The following PLD1 variants were observed in gnomAD, a reference collection of about 807,000 sequenced individuals.
PLD1 encodes the protein choline phosphatase 1.
PLD1 carries 112 observed loss-of-function variants against 137.1 expected under a neutral mutation model. That is an observed-to-expected ratio of 0.82 (90% CI 0.70 to 0.96). The LOEUF (loss-of-function observed/expected upper bound fraction) is 0.96. Ranked by LOEUF, PLD1 falls within the 40% of genes least tolerant of loss-of-function variation. The pLI is 0.00. For synonymous variants in PLD1, 431 were observed against 454.7 expected (o/e 0.95, Z 0.66); for missense variants, 1,321 against 1,342.0 (o/e 0.98, Z 0.24).
intron 19 of PLD1, among the ~76,000 whole-genome samples, chr3:171,673,564 C>T (rs1578240029): frequency 1.3e-5 from 2 of 152,286 alleles, no homozygotes; most frequent in Middle Eastern, 3.4e-3. Context: ...AGCCACCACA[C>T]CTGGCCTTTT....
At chr3:171,739,273 G>A (rs1719601702) in intron 1 of PLD1, among the ~76,000 whole-genome samples, 1 of 152,138 alleles carries the variant, frequency 6.6e-6, no homozygotes, top group Non-Finnish European at 1.5e-5. Context: ...GAAAGTCTCA[G>A]GCAAACTTAC....
intron 19 of PLD1, among the ~76,000 whole-genome samples, chr3:171,670,269 A>G (rs1315032447): frequency 2.0e-5 from 3 of 152,246 alleles, no homozygotes; most frequent in Admixed American, 2.0e-4. Context: ...AAAGAGCTGG[A>G]CGAGAGGACA....
intron 1 of PLD1, among the ~76,000 whole-genome samples, chr3:171,749,358 C>G (rs1332778235): frequency 6.6e-6 from 1 of 152,020 alleles, no homozygotes; most frequent in Non-Finnish European, 1.5e-5. Flanking sequence ...GACACTCTTA[C>G]AAAAAAACCC....
chr3:171,751,914 A>AATGGT (rs1270407550), intron 1 of PLD1, among the ~76,000 whole-genome samples: 2 of 152,010 alleles, frequency 1.3e-5, no homozygotes, highest in African/African-American at 2.4e-5. Context: ...GGGGCAGGAG[A>AATGGT]ATGGTATGAA....
At chr3:171,728,298 ACAG>A (rs1451070615) in intron 6 of PLD1, among the ~76,000 whole-genome samples, 1 of 152,250 alleles carries the variant, frequency 6.6e-6, no homozygotes, top group Non-Finnish European at 1.5e-5. Flanking sequence ...CCTGGGCAAC[ACAG>A]CAGGACTGTC....
rs534992034 is a variant in PLD1 at position 171,670,175 on chromosome 3, G to A, written c.2229+4325C>T. On this transcript the variant is annotated intron_variant, in intron 19 of 26. Coordinates refer to ENST00000351298, the MANE Select transcript of PLD1 (RefSeq NM_002662.5). The stretch of plus-strand genomic sequence containing the variant: ...TGGAGATAAAGAGAGGATGGTTAAT[G>A]GGTACAAACATAGAAGGAATAAGTT... 2.7e-4 allele frequency among the ~76,000 whole-genome samples: 5 copies of A among 18,532 alleles called. No homozygotes were observed. The South Asian group carries it at 0.015, about 57-fold the overall frequency. The allele number at this position is 18,532 out of a possible 152,430, so 12.2% of individuals were successfully genotyped here.
intron 21 of PLD1, among the ~76,000 whole-genome samples, chr3:171,658,976 G>A (rs570673994): frequency 6.6e-6 from 1 of 152,280 alleles, no homozygotes. Flanking sequence ...TCATGTGTGG[G>A]AAACAGACTG....
chr3:171,776,418 T>C (rs749839801), intron 1 of PLD1, among the ~76,000 whole-genome samples: 2 of 152,246 alleles, frequency 1.3e-5, no homozygotes, highest in African/African-American at 4.8e-5. Context: ...TGCTCAAAGC[T>C]CTTTTATTTA....
At chr3:171,639,734 CAT>C (rs1424535609) in intron 23 of PLD1, among the ~76,000 whole-genome samples, 5 of 130,836 alleles carry the variant, frequency 3.8e-5, no homozygotes, top group Non-Finnish European at 6.2e-5. Flanking sequence ...TATATTCATA[CAT>C]ATATCTTTCA....
At chr3:171,760,662 C>T (rs1721331160) in intron 1 of PLD1, among the ~76,000 whole-genome samples, 1 of 152,194 alleles carries the variant, frequency 6.6e-6, no homozygotes, top group South Asian at 2.1e-4. Context: ...CCAGAGGCCA[C>T]TGCAACCTGG....
chr3:171,762,818 G>T, intron 1 of PLD1, among the ~76,000 whole-genome samples: 1 of 152,254 alleles, frequency 6.6e-6, no homozygotes, highest in African/African-American at 2.4e-5. Flanking sequence ...CCATGTAGAA[G>T]ATATTACTAG....
intron 21 of PLD1, among the ~76,000 whole-genome samples, chr3:171,651,672 A>G (rs1736776772): frequency 6.6e-6 from 1 of 152,194 alleles, no homozygotes; most frequent in African/African-American, 2.4e-5. Flanking sequence ...GCTTTCAAAC[A>G]TAAGAATGCT....
chr3:171,754,938 A>G (rs898792253), intron 1 of PLD1, among the ~76,000 whole-genome samples: 1 of 152,092 alleles, frequency 6.6e-6, no homozygotes, highest in African/African-American at 2.4e-5. Context: ...CTACTACTAT[A>G]TCTCCAACAA....
chr3:171,636,855 C>T (rs1386641858), intron 23 of PLD1, among the ~76,000 whole-genome samples: 1 of 152,194 alleles, frequency 6.6e-6, no homozygotes, highest in Admixed American at 6.5e-5. Context: ...GGAAAGCTTT[C>T]AGTCTTTCAC....
At chr3:171,677,508 G>A (rs1713503903) in intron 17 of PLD1, 58 bp downstream of exon 17, 1 of 1,526,752 alleles carries the variant, frequency 6.5e-7, no homozygotes, top group Middle Eastern at 1.7e-4. Context: ...TATACTTGCT[G>A]AGATGTTCAA....
chr3:171,629,007 G>C (rs1448321670), intron 23 of PLD1, among the ~76,000 whole-genome samples: 2 of 146,866 alleles, frequency 1.4e-5, no homozygotes, highest in Non-Finnish European at 3.0e-5. Context: ...GGAAGTTCTG[G>C]CCAGGGCAAT....
At chr3:171,661,424 C>A (rs1383958295) in intron 20 of PLD1, among the ~76,000 whole-genome samples, 1 of 152,010 alleles carries the variant, frequency 6.6e-6, no homozygotes. Context: ...TTTTCAAGTT[C>A]TCTGAACTAT....
chr3:171,720,074 C>A (rs1300186452), intron 8 of PLD1, among the ~76,000 whole-genome samples: 1 of 152,100 alleles, frequency 6.6e-6, no homozygotes, highest in African/African-American at 2.4e-5. Context: ...GTGGGCAGAT[C>A]ACTTGAGCTC....
At chr3:171,711,690 G>C (rs1051698688) in intron 9 of PLD1, among the ~76,000 whole-genome samples, 12 of 151,980 alleles carry the variant, frequency 7.9e-5, no homozygotes, top group African/African-American at 2.7e-4. Flanking sequence ...TGGCCATCTT[G>C]CTACCACAAG....
Sources: allele counts gnomAD v4.1 joint callset (sites outside exome capture counted in the v4.1 genomes callset), GRCh38; gene constraint gnomAD v4.1.1; transcripts MANE v1.5; gene names NCBI Gene and HGNC (gene_info 2026-07-23, HGNC 2026-07-21).